The following PHLDB2 variants were observed in gnomAD, a reference collection of about 807,000 sequenced individuals.
PHLDB2 encodes the protein pleckstrin homology-like domain family B member 2.
Under a neutral mutation model 123.6 loss-of-function variants are expected in PHLDB2, and 71 were observed. The observed-to-expected ratio is 0.57, with a 90% CI of 0.47 to 0.70. The LOEUF (loss-of-function observed/expected upper bound fraction) is 0.70, where lower values mean the gene tolerates loss of function less well. Ranked by LOEUF, PHLDB2 falls within the 30% of genes least tolerant of loss-of-function variation. The pLI, the probability that PHLDB2 is intolerant of heterozygous loss-of-function variation, is 0.00. For missense variants in PHLDB2, 1,446 were observed against 1,519.5 expected, an observed-to-expected ratio of 0.95 and a Z score of 0.80; for synonymous variants, 547 against 541.6, an observed-to-expected ratio of 1.01 and a Z score of -0.14.
rs866022678 is a variant in PHLDB2, at chr3:111,889,358, A to G, written c.1335+3946A>G. 3.3e-5 allele frequency among the ~76,000 whole-genome samples: 5 copies of G among 151,714 alleles called. No homozygotes were observed. In the South Asian group the frequency reaches 1.0e-3, roughly 32 times the overall value. On this transcript the variant is annotated intron_variant, in intron 2 of 17. Transcript: ENST00000431670. ...GGAGATCCTGACAACATGTGTCCCT[A>G]TAGCTGTTTTTAAAACCAAATTATC...
chr3:111,912,006 A>G (rs2067910677), intron 2 of PHLDB2, among the ~76,000 whole-genome samples: 1 of 152,246 alleles, frequency 6.6e-6, no homozygotes, highest in Non-Finnish European at 1.5e-5. Flanking sequence ...ACAGCAGTCC[A>G]GTGATGCTTA....
chr3:111,856,808 ACT>A (rs1343541213), upstream of PHLDB2, among the ~76,000 whole-genome samples: 3 of 152,156 alleles, frequency 2.0e-5, no homozygotes, highest in Non-Finnish European at 2.9e-5. Flanking sequence ...AACAGGCAAA[ACT>A]CTCTGCCTGC....
At chr3:111,829,867 GTTTT>G (rs552138950) in intron 1 of PHLDB2, among the ~76,000 whole-genome samples, 2 of 144,136 alleles carry the variant, frequency 1.4e-5, no homozygotes, top group African/African-American at 5.2e-5. Flanking sequence ...ACTTTTTTTT[GTTTT>G]TTTTATTTCA....
intron 1 of PHLDB2, among the ~76,000 whole-genome samples, chr3:111,815,800 A>C (rs888976506): frequency 6.6e-6 from 1 of 152,208 alleles, no homozygotes; most frequent in African/African-American, 2.4e-5. Context: ...GAGTCAAATA[A>C]TCCCCAAGAC....
chr3:111,920,450 T>C, intron 5 of PHLDB2, 31 bp downstream of exon 5: 1 of 1,605,304 alleles, frequency 6.2e-7, no homozygotes, highest in Non-Finnish European at 8.5e-7. Context: ...AATGCAGTTT[T>C]TATGGGCAAA....
intron 1 of PHLDB2, among the ~76,000 whole-genome samples, chr3:111,742,234 C>T (rs2059615319): frequency 6.6e-6 from 1 of 152,100 alleles, no homozygotes; most frequent in African/African-American, 2.4e-5. Context: ...ATATCAAAAG[C>T]TATTTACTCC....
chr3:111,900,696 C>T (rs532729743), intron 2 of PHLDB2, among the ~76,000 whole-genome samples: 5 of 152,206 alleles, frequency 3.3e-5, no homozygotes, highest in African/African-American at 7.2e-5. Flanking sequence ...CAGAATGTGA[C>T]GCAGAGACAT....
chr3:111,918,001 CA>C (rs1413879242), intron 3 of PHLDB2, among the ~76,000 whole-genome samples: 4 of 151,648 alleles, frequency 2.6e-5, no homozygotes, highest in African/African-American at 4.8e-5. Flanking sequence ...CTTGCTGATC[CA>C]AAAAAATTAC....
chr3:111,859,866 G>A (rs2064725147), intron 1 of PHLDB2: 1 of 985,840 alleles, frequency 1.0e-6, no homozygotes, highest in Non-Finnish European at 1.2e-6. Context: ...CGGTTTGGAG[G>A]AAAGATGAGA....
intron 1 of PHLDB2, among the ~76,000 whole-genome samples, chr3:111,872,934 G>A (rs754048405): frequency 6.6e-6 from 1 of 152,122 alleles, no homozygotes; most frequent in Non-Finnish European, 1.5e-5. Context: ...TGTACCTGAT[G>A]GTAAATCTCT....
intron 1 of PHLDB2, among the ~76,000 whole-genome samples, chr3:111,784,450 T>C (rs1335028978): frequency 3.3e-5 from 5 of 152,192 alleles, no homozygotes; most frequent in African/African-American, 9.6e-5. Flanking sequence ...CATCCTTTTT[T>C]CCTGCCTCAG....
In PHLDB2 at chr3:111,913,516, A is replaced by G. The variant is rs755533015; in HGVS notation, c.1533A>G (p.Lys511=). The G allele has an allele frequency of 1.9e-6, 3 of 1,614,152 alleles. No homozygotes were observed. In the South Asian group the frequency reaches 3.3e-5, roughly 18 times the overall value. The change falls in exon 3 of 18, where the codon AAA becomes AAG. Residue 511 remains lysine (K), a synonymous_variant. Transcript: ENST00000431670. ...ACACAAGATACAGGTGCCACCGGAA[A>G]GACTCCCTCCCTGATGCAGACTTGG... The part of the protein sequence containing the change: ...SPDTRYRCHR[K]DSLPDADLAS...
rs536602012 is a variant in PHLDB2 at position 111,817,863 on chromosome 3, A to G, written c.-48-27958A>G. ...GTGAGTTTTGTTTACTTTACTGGCA[A>G]TATGTCTCTTGTGGGAGAAGATAGG... On this transcript the variant is annotated intron_variant, in intron 1 of 17. Coordinates refer to the PHLDB2 transcript ENST00000393923. Among the ~76,000 whole-genome samples the G allele has an allele frequency of 4.6e-5, 7 of 152,312 alleles. 1 individual carries two copies. The East Asian group carries it at 1.4e-3, about 29-fold the overall frequency.
At chr3:111,911,040 T>G (rs981532046) in intron 2 of PHLDB2, among the ~76,000 whole-genome samples, 6 of 152,252 alleles carry the variant, frequency 3.9e-5, no homozygotes, top group African/African-American at 1.4e-4. Context: ...TTTCACTGTC[T>G]GAAATAGCAT....
chr3:111,816,404 A>G (rs755123390), intron 1 of PHLDB2, among the ~76,000 whole-genome samples: 2 of 152,212 alleles, frequency 1.3e-5, no homozygotes, highest in African/African-American at 2.4e-5. Flanking sequence ...GAGCTTCCCA[A>G]GACTATGGGA....
chr3:111,832,389 AC>A (rs201956634), intron 1 of PHLDB2, among the ~76,000 whole-genome samples: 2 of 151,572 alleles, frequency 1.3e-5, no homozygotes, highest in African/African-American at 4.9e-5. Flanking sequence ...AAAACAAAAA[AC>A]AAAAAAACAA....
At chr3:111,735,483 A>G (rs374678644) in intron 1 of PHLDB2, among the ~76,000 whole-genome samples, 1 of 152,248 alleles carries the variant, frequency 6.6e-6, no homozygotes, top group East Asian at 1.9e-4. Flanking sequence ...AGATCAAGAT[A>G]AAGAAATGCC....
Position 111,954,155 on chromosome 3 carries a change from T to G in PHLDB2, c.2872+126T>G, listed in dbSNP as rs545565608. 6 of 732,322 alleles carry G rather than the reference T, an allele frequency of 8.2e-6. No homozygotes were observed. In the African/African-American group the frequency reaches 1.1e-4, roughly 13 times the overall value. The allele number at this position is 732,322 out of a possible 1,614,324, so 45.4% of individuals were successfully genotyped here. Reference sequence around the variant, plus strand: ...TCAACCAAAGGCCTAATTTTACTCTTAATGTGTTCTCTTTCGGGAGGGATA... The same window carrying G: ...TCAACCAAAGGCCTAATTTTACTCTGAATGTGTTCTCTTTCGGGAGGGATA... On this transcript the variant is annotated intron_variant, in intron 12 of 17. Transcript: ENST00000431670.
At chr3:111,880,806 A>C (rs993323073) in intron 1 of PHLDB2, among the ~76,000 whole-genome samples, 4 of 152,168 alleles carry the variant, frequency 2.6e-5, no homozygotes, top group Non-Finnish European at 5.9e-5. Context: ...TCAGGCAGAC[A>C]TCCTTTCTCC....
Sources: gnomAD v4.1 joint callset for allele counts (sites outside exome capture counted in the v4.1 genomes callset) on GRCh38, gnomAD v4.1.1 for gene constraint, MANE v1.5 for transcripts, NCBI Gene and HGNC (gene_info 2026-07-23, HGNC 2026-07-21) for gene names.